PLPP1: variants seen among roughly 807,000 people sequenced by gnomAD.
PLPP1 encodes the protein phospholipid phosphatase 1, also known as lipid phosphate phosphohydrolase 1a.
Under a neutral mutation model 31.2 loss-of-function variants are expected in PLPP1, and 24 were observed. The ratio of observed to expected loss-of-function variants is 0.77; its 90% CI spans 0.56 to 1.08. The LOEUF is 1.08. PLPP1 is among the 50% of genes least tolerant of loss of function. PLPP1 has a pLI of 0.00. For synonymous variants in PLPP1, 146 were observed against 126.3 expected, an observed-to-expected ratio of 1.16 and a Z score of -1.05; for missense variants, 319 against 342.7, an observed-to-expected ratio of 0.93 and a Z score of 0.55.
intron 3 of PLPP1, among the ~76,000 whole-genome samples, chr5:55,457,519 TATC>T (rs1419199901): frequency 3.3e-5 from 5 of 152,118 alleles, no homozygotes; most frequent in Admixed American, 6.5e-5. Context: ...GAAACAAAAA[TATC>T]ATCAATAAGA....
chr5:55,478,073 G>C (rs1752595871), intron 1 of PLPP1, among the ~76,000 whole-genome samples: 1 of 151,976 alleles, frequency 6.6e-6, no homozygotes, highest in Admixed American at 6.6e-5. Context: ...TATTCTCAGA[G>C]AAAACATATA....
chr5:55,518,514 CA>C (rs537780074), intron 1 of PLPP1, among the ~76,000 whole-genome samples: 37 of 152,166 alleles, frequency 2.4e-4, no homozygotes, highest in African/African-American at 8.9e-4. Flanking sequence ...CCTCTTTTAC[CA>C]GAAGAAACAT....
At chr5:55,507,532 TA>T (rs1329386459) in intron 1 of PLPP1, among the ~76,000 whole-genome samples, 1 of 152,232 alleles carries the variant, frequency 6.6e-6, no homozygotes, top group African/African-American at 2.4e-5. Context: ...TCAAAAATGT[TA>T]ATAGTAGCTA....
intron 4 of PLPP1, among the ~76,000 whole-genome samples, chr5:55,432,823 A>T (rs1751391804): frequency 6.6e-6 from 1 of 151,050 alleles, no homozygotes; most frequent in African/African-American, 2.4e-5. Context: ...AAACCTGTCC[A>T]CAGGAACTAC....
intron 4 of PLPP1, among the ~76,000 whole-genome samples, chr5:55,441,527 G>T (rs546702230): frequency 6.6e-6 from 1 of 152,300 alleles, no homozygotes; most frequent in East Asian, 1.9e-4. Context: ...CTCTGCTGCT[G>T]TTCGCCCACA....
chr5:55,462,789 C>T (rs1052499852), intron 3 of PLPP1, among the ~76,000 whole-genome samples: 1 of 151,804 alleles, frequency 6.6e-6, no homozygotes, highest in Non-Finnish European at 1.5e-5. Context: ...CTGGCTAAGA[C>T]GGTGAAACCC....
chr5:55,427,294 C>T (rs1751227645), intron 4 of PLPP1, among the ~76,000 whole-genome samples: 2 of 152,254 alleles, frequency 1.3e-5, no homozygotes, highest in South Asian at 4.2e-4. Context: ...CTGGGCACTG[C>T]CATGGGTGTT....
chr5:55,443,021 G>C (rs2111711804), intron 3 of PLPP1, among the ~76,000 whole-genome samples: 1 of 151,456 alleles, frequency 6.6e-6, no homozygotes, highest in South Asian at 2.1e-4. Context: ...CGGCTCTTAA[G>C]TAATTTACTT....
intron 1 of PLPP1, among the ~76,000 whole-genome samples, chr5:55,531,156 ATC>A (rs1561260997): frequency 6.6e-6 from 1 of 152,266 alleles, no homozygotes; most frequent in African/African-American, 2.4e-5. Context: ...AATATACATT[ATC>A]TCTCAAAATT....
At chr5:55,479,103 C>A (rs1403559864) in intron 1 of PLPP1, among the ~76,000 whole-genome samples, 2 of 150,612 alleles carry the variant, frequency 1.3e-5, no homozygotes, top group Non-Finnish European at 2.9e-5. Context: ...CGGCTCACTG[C>A]AACCTCCACC....
chr5:55,522,111 C>A (rs1753682242), intron 1 of PLPP1, among the ~76,000 whole-genome samples: 1 of 152,184 alleles, frequency 6.6e-6, no homozygotes, highest in African/African-American at 2.4e-5. Context: ...GCAGTGACAA[C>A]TGAGGACTAA....
intron 1 of PLPP1, among the ~76,000 whole-genome samples, chr5:55,498,646 G>A (rs1039402294): frequency 6.6e-6 from 1 of 151,532 alleles, no homozygotes; most frequent in African/African-American, 2.4e-5. Flanking sequence ...CTGAAAAGCT[G>A]TATGTGACTT....
Position 55,425,123 on chromosome 5 carries a change from G to GAAGA in PLPP1, c.*79_*82dup, listed in dbSNP as rs1751138135. 6.7e-7 allele frequency: 1 copy of GAAGA among 1,497,708 alleles called. No individual in the cohort carries two copies. Among genetic ancestry groups the GAAGA allele is most frequent in the Non-Finnish European group, 9.0e-7 (1 of 1,109,984 alleles). 92.8% of individuals were successfully genotyped at this position (1,497,708 alleles called of 1,614,324 possible). On this transcript the variant is annotated 3_prime_UTR_variant, in exon 6 of 6. Transcript: ENST00000307259. ...AAGTCTTTAAAGGCTTGTACACCAG[G>GAAGA]AAGAAAGATGCATCCTCTTGCCTTG...
At chr5:55,425,669 AAC>A in intron 5 of PLPP1, 192 bp downstream of exon 5, 1 of 517,192 alleles carries the variant, frequency 1.9e-6, no homozygotes, top group Non-Finnish European at 3.2e-6. Context: ...GATTTTACAA[AAC>A]TACTAAGTTT....
chr5:55,455,472 A>G (rs994192735), intron 3 of PLPP1, among the ~76,000 whole-genome samples: 25 of 152,152 alleles, frequency 1.6e-4, no homozygotes, highest in African/African-American at 5.5e-4. Flanking sequence ...CTACACCAAC[A>G]GCACCTATAG....
chr5:55,487,236 T>C (rs1036558757), intron 1 of PLPP1, among the ~76,000 whole-genome samples: 1 of 152,156 alleles, frequency 6.6e-6, no homozygotes, highest in South Asian at 2.1e-4. Flanking sequence ...GGATTTGAGA[T>C]TTAATACTAA....
intron 1 of PLPP1, chr5:55,508,917 A>G (rs1753344357): frequency 6.5e-6 from 1 of 154,210 alleles, no homozygotes; most frequent in African/African-American, 2.4e-5. Flanking sequence ...TCAGAGTCAG[A>G]TAAGTGAGGA....
intron 1 of PLPP1, among the ~76,000 whole-genome samples, chr5:55,477,179 C>T (rs1752568884): frequency 6.6e-6 from 1 of 152,122 alleles, no homozygotes; most frequent in Admixed American, 6.6e-5. Context: ...GTTTTCAATA[C>T]ATATACCATG....
chr5:55,478,431 C>T (rs913929130), intron 1 of PLPP1, among the ~76,000 whole-genome samples: 7 of 151,956 alleles, frequency 4.6e-5, no homozygotes, highest in African/African-American at 1.5e-4. Flanking sequence ...TCTGAATGTT[C>T]GAAAGAAAAG....
Sources: gnomAD v4.1 joint callset for allele counts (sites outside exome capture counted in the v4.1 genomes callset) on GRCh38, gnomAD v4.1.1 for gene constraint, MANE v1.5 for transcripts, NCBI Gene and HGNC (gene_info 2026-07-23, HGNC 2026-07-21) for gene names.